Variants in RPS9 observed in about 807,000 individuals in gnomAD.
RPS9 encodes the protein ribosomal protein S9.
A neutral mutation model predicts 16.9 loss-of-function variants in RPS9; 1 was observed. The observed-to-expected ratio is 0.06, with a 90% CI of 0.02 to 0.28. The LOEUF (loss-of-function observed/expected upper bound fraction) is 0.28, where lower values mean the gene tolerates loss of function less well. RPS9 is among the 10% of genes least tolerant of loss of function. The probability of loss-of-function intolerance (pLI) is 1.00; values close to 1 mark genes in which losing one functional copy is unlikely to be tolerated. For missense variants in RPS9, 137 were observed against 273.2 expected, an observed-to-expected ratio of 0.50 and a Z score of 3.51; for synonymous variants, 106 against 110.9, an observed-to-expected ratio of 0.96 and a Z score of 0.28.
Position 54,201,478 on chromosome 19 carries a change from C to G in RPS9, c.98-9C>G, listed in dbSNP as rs150480679. On this transcript the variant is annotated splice_polypyrimidine_tract_variant and intron_variant, in intron 2 of 4. Transcript: ENST00000302907. ...GGACTACACTTGTCCACCCCCTTCT[C>G]CCCACCAGGCGAGTATGGGCTCCGG... is the stretch of plus-strand genomic sequence containing the variant. The G allele has an allele frequency of 6.2e-7, 1 of 1,614,004 alleles. No individual in the cohort carries two copies. Among genetic ancestry groups the G allele is most frequent in the Non-Finnish European group, 8.5e-7 (1 of 1,179,948 alleles).
At chr19:54,203,664 G>A (rs371028762) in intron 3 of RPS9, among the ~76,000 whole-genome samples, 1 of 152,084 alleles carries the variant, frequency 6.6e-6, no homozygotes, top group Admixed American at 6.5e-5. Context: ...CCAGCTACTC[G>A]GGAGGCTGAG....
chr19:54,202,298 G>T, intron 3 of RPS9: 1 of 379,338 alleles, frequency 2.6e-6, no homozygotes, highest in Non-Finnish European at 3.6e-6. Flanking sequence ...CGATTCTCCT[G>T]TCTTAGCCTC....
At chr19:54,205,668 C>T (rs1003534766) in intron 3 of RPS9, among the ~76,000 whole-genome samples, 2 of 151,978 alleles carry the variant, frequency 1.3e-5, no homozygotes, top group Non-Finnish European at 2.9e-5. Flanking sequence ...CAGACTGAGT[C>T]CTTGTAAGGA....
intron 3 of RPS9, chr19:54,203,347 C>T: frequency 7.1e-6 from 7 of 980,480 alleles, no homozygotes; most frequent in Non-Finnish European, 8.5e-6. Flanking sequence ...TGGATGTTTG[C>T]TCTTTGGTGT....
chr19:54,203,188 A>G, intron 3 of RPS9: 1 of 935,738 alleles, frequency 1.1e-6, no homozygotes, highest in South Asian at 4.9e-5. Flanking sequence ...ACTTACAGTC[A>G]TGTGAGAAAG....
rs2077058247 is a variant in RPS9 at position 54,201,679 on chromosome 19, C to T, written c.220+70C>T. 13 of 1,596,082 alleles carry T rather than the reference C, an allele frequency of 8.1e-6. No homozygotes were observed. The South Asian group carries it at 1.0e-4, about 12-fold the overall frequency. On this transcript the variant is annotated intron_variant, in intron 3 of 4. Coordinates refer to ENST00000302907, the MANE Select transcript of RPS9 (RefSeq NM_001013.4). ...TGAGGTTCATTCTCCCTTCTGTTGC[C>T]TCTGTTCCAGTGATGAGAGTTGTGT...
intron 4 of RPS9, 21 bp downstream of exon 4, chr19:54,206,483 C>CTGAA: frequency 6.2e-7 from 1 of 1,613,642 alleles, no homozygotes; most frequent in Non-Finnish European, 8.5e-7. Context: ...GGATGGGCAC[C>CTGAA]TGAATCTTCC....
rs1284886864 is a variant in RPS9, at chr19:54,202,820, T to C, written c.220+1211T>C. The C allele has an allele frequency of 2.0e-5, 20 of 985,324 alleles. No homozygotes were observed. In the Middle Eastern group the frequency reaches 2.1e-3, roughly 102 times the overall value. 61.0% of individuals were successfully genotyped at this position (985,324 alleles called of 1,614,324 possible). ...CGTTGAGAAAGTCCTGGCGCATGTT[T>C]AGCTACAGATTATCACAGTTTGTCC... On this transcript the variant is annotated intron_variant, in intron 3 of 4. Coordinates refer to ENST00000302907, the MANE Select transcript of RPS9 (RefSeq NM_001013.4).
Position 54,201,178 on chromosome 19 carries a change from A to G in RPS9, c.-7A>G. The G allele has an allele frequency of 6.2e-7, 1 of 1,613,534 alleles. No individual in the cohort carries two copies. The highest frequency in any genetic ancestry group is 8.5e-7 in the Non-Finnish European group (1 of 1,179,994). ...CGCGCAGGCGCAGACGGGGAAGCGG[A>G]GCCAACATGCCAGTGGCCCGGAGCT... On this transcript the variant is annotated 5_prime_UTR_variant, in exon 2 of 5. Coordinates refer to ENST00000302907, the MANE Select transcript of RPS9 (RefSeq NM_001013.4).
At position 54,207,593 on chromosome 19, in the gene RPS9, G is replaced by T. The variant is rs777778449; in HGVS notation, c.*18G>T. Reference sequence around the variant, plus strand: ...AGGATTAAGTCCACCTGTCCCTCCTGGGCTGCTGGATTGTCTCGTTTTCCT... The same window carrying T: ...AGGATTAAGTCCACCTGTCCCTCCTTGGCTGCTGGATTGTCTCGTTTTCCT... On this transcript the variant is annotated 3_prime_UTR_variant, in exon 5 of 5. Transcript: ENST00000302907. 87 of 1,581,938 alleles carry T rather than the reference G, an allele frequency of 5.5e-5. 1 individual carries two copies. In the Admixed American group the frequency reaches 6.1e-4, roughly 11 times the overall value.
rs2077028481 is a variant in RPS9 at position 54,201,106 on chromosome 19, G to A, written c.-25-54G>A. On this transcript the variant is annotated intron_variant, in intron 1 of 4. Coordinates refer to ENST00000302907, the MANE Select transcript of RPS9 (RefSeq NM_001013.4). ...TCCGCGAGGTTTTGGCGTAGTTGTG[G>A]GACTGCGCAGGCGCCGTTTGGATCC... 14 of 1,593,830 alleles carry A rather than the reference G, an allele frequency of 8.8e-6. No homozygotes were observed. In the East Asian group the frequency reaches 8.9e-5, roughly 10 times the overall value.
At chr19:54,206,594 A>AT (rs1169130367) in intron 4 of RPS9, 132 bp downstream of exon 4, 1 of 1,552,784 alleles carries the variant, frequency 6.4e-7, no homozygotes, top group Admixed American at 2.0e-5. Flanking sequence ...GAGGGTACAG[A>AT]TTCACCCTTG....
intron 3 of RPS9, chr19:54,202,911 T>C (rs1427584999): frequency 2.0e-6 from 2 of 981,986 alleles, no homozygotes; most frequent in Non-Finnish European, 1.2e-6. Context: ...TTGACCAGGA[T>C]GGTTTCCAAC....
Position 54,201,150 on chromosome 19 carries a change from T to A in RPS9, c.-25-10T>A, listed in dbSNP as rs775492887. On this transcript the variant is annotated splice_polypyrimidine_tract_variant and intron_variant, in intron 1 of 4. Transcript: ENST00000302907. ...TGGATCCCTTACGCTCACACTTCTC[T>A]CCCGCGCAGGCGCAGACGGGGAAGC... The A allele has an allele frequency of 1.2e-6, 2 of 1,612,410 alleles. No individual in the cohort carries two copies. Among genetic ancestry groups the A allele is most frequent in the Non-Finnish European group, 1.7e-6 (2 of 1,179,872 alleles).
chr19:54,201,368 C>G (rs775560547), intron 2 of RPS9, 87 bp downstream of exon 2: 2 of 1,608,000 alleles, frequency 1.2e-6, no homozygotes, highest in Non-Finnish European at 8.5e-7. Context: ...TCTATCTAGT[C>G]CGTCCCCTAA....
chr19:54,204,960 T>G (rs963077637), intron 3 of RPS9, among the ~76,000 whole-genome samples: 1 of 152,234 alleles, frequency 6.6e-6, no homozygotes, highest in Non-Finnish European at 1.5e-5. Context: ...AACTGCTCCC[T>G]ACTGGGAAAA....
In RPS9 at chr19:54,207,467, C is replaced by T. The variant is rs2077284973; in HGVS notation, c.477C>T (p.Phe159=). The T allele has an allele frequency of 1.2e-6, 2 of 1,613,684 alleles. No homozygotes were observed. The highest frequency in any genetic ancestry group is 1.1e-5 in the South Asian group (1 of 91,042). The change falls in exon 5 of 5, where the codon TTC becomes TTT. Residue 159 remains phenylalanine (F), a synonymous_variant. Coordinates refer to ENST00000302907, the MANE Select transcript of RPS9 (RefSeq NM_001013.4). ...VRLDSQKHID[F]SLRSPYGGGR... ...TGGATTCCCAGAAGCACATCGACTT[C>T]TCTCTGCGCTCTCCCTACGGGGGTG...
At chr19:54,206,857 C>A (rs552138754) in intron 4 of RPS9, 2 of 731,062 alleles carry the variant, frequency 2.7e-6, no homozygotes, top group African/African-American at 1.8e-5. Flanking sequence ...TCTGGGTACT[C>A]AGTGTGCCCT....
intron 2 of RPS9, 28 bp from the exon 3 acceptor site, chr19:54,201,459 C>T: frequency 3.1e-6 from 5 of 1,613,946 alleles, no homozygotes; most frequent in Non-Finnish European, 4.2e-6. Context: ...CGTGGGACTA[C>T]ACTTGTCCAC....
Sources: allele counts gnomAD v4.1 joint callset (sites outside exome capture counted in the v4.1 genomes callset), GRCh38; gene constraint gnomAD v4.1.1; transcripts MANE v1.5; gene names NCBI Gene and HGNC (gene_info 2026-07-23, HGNC 2026-07-21).